ATL2: variants seen among roughly 807,000 people sequenced by gnomAD.
ATL2 encodes atlastin GTPase 2.
ATL2 carries 31 observed loss-of-function variants against 73.9 expected under a neutral mutation model. The ratio of observed to expected loss-of-function variants is 0.42; its 90% confidence interval spans 0.32 to 0.57. ATL2 has a LOEUF of 0.57. Among genes scored for constraint, ATL2 ranks in the 20% least tolerant of loss-of-function variants. The pLI is 0.14. For missense variants in ATL2, 738 were observed against 702.6 expected, an observed-to-expected ratio of 1.05 and a Z score of -0.57; for synonymous variants, 291 against 237.5, an observed-to-expected ratio of 1.23 and a Z score of -2.07.
intron 12 of ATL2, chr2:38,296,565 G>T: frequency 6.2e-7 from 1 of 1,614,050 alleles, no homozygotes; most frequent in Admixed American, 1.7e-5. Flanking sequence ...TCGACGTCTA[G>T]TAACTTCAAA....
At chr2:38,372,444 G>T (rs1026355271) in intron 1 of ATL2, among the ~76,000 whole-genome samples, 5 of 152,058 alleles carry the variant, frequency 3.3e-5, no homozygotes, top group East Asian at 1.9e-4. Flanking sequence ...CATGTTCCAG[G>T]GACTGGAACA....
chr2:38,314,758 C>A (rs1000917462), intron 5 of ATL2, 94 bp from the exon 6 acceptor site: 3 of 746,382 alleles, frequency 4.0e-6, no homozygotes, highest in East Asian at 2.7e-5. Flanking sequence ...GGTACCAGAA[C>A]CTTTAAAATC....
intron 2 of ATL2, among the ~76,000 whole-genome samples, chr2:38,327,873 T>C (rs963546506): frequency 1.3e-5 from 2 of 152,024 alleles, no homozygotes; most frequent in African/African-American, 4.8e-5. Flanking sequence ...GAGGCGGAGG[T>C]TGCAGTGAGC....
intron 2 of ATL2, among the ~76,000 whole-genome samples, chr2:38,324,792 G>A (rs1034323864): frequency 6.6e-6 from 1 of 152,176 alleles, no homozygotes; most frequent in Admixed American, 6.5e-5. Context: ...ACACACAAAA[G>A]GACAAATATT....
intron 10 of ATL2, among the ~76,000 whole-genome samples, 174 bp downstream of exon 10, chr2:38,300,098 C>T (rs1199060497): frequency 6.7e-6 from 1 of 148,886 alleles, no homozygotes; most frequent in Non-Finnish European, 1.5e-5. Context: ...TCTGCAGTTA[C>T]AAAAAAAAAA....
At chr2:38,309,291 T>C in intron 9 of ATL2, 88 bp downstream of exon 9, 1 of 1,298,308 alleles carries the variant, frequency 7.7e-7, no homozygotes, top group Non-Finnish European at 1.0e-6. Flanking sequence ...TGTTTTAAAA[T>C]AAAGACAAGA....
At chr2:38,318,356 G>A in intron 4 of ATL2, 179 bp downstream of exon 4, 1 of 411,386 alleles carries the variant, frequency 2.4e-6, no homozygotes, top group Non-Finnish European at 4.3e-6. Context: ...GCGGGGGCCT[G>A]TAATCTCAGC....
At chr2:38,335,251 A>G (rs1669285967) in intron 2 of ATL2, among the ~76,000 whole-genome samples, 1 of 152,070 alleles carries the variant, frequency 6.6e-6, no homozygotes, top group African/African-American at 2.4e-5. Flanking sequence ...CTGGGTATAA[A>G]CCCAACAGAA....
intron 9 of ATL2, among the ~76,000 whole-genome samples, chr2:38,306,232 C>T (rs1477368335): frequency 1.3e-5 from 2 of 152,218 alleles, no homozygotes; most frequent in African/African-American, 4.8e-5. Flanking sequence ...TAACAAGTAA[C>T]GAGATCAAAG....
At chr2:38,377,027 A>T in intron 1 of ATL2, 116 bp downstream of exon 1, 1 of 819,258 alleles carries the variant, frequency 1.2e-6, no homozygotes, top group Non-Finnish European at 1.8e-6. Context: ...CGGCGGGAGG[A>T]GACCTGAACC....
At chr2:38,313,101 T>G in intron 7 of ATL2, 50 bp downstream of exon 7, 1 of 1,375,030 alleles carries the variant, frequency 7.3e-7, no homozygotes, top group Non-Finnish European at 1.0e-6. Flanking sequence ...AGCCCACCCG[T>G]TTGCCTAGCT....
At position 38,298,125 on chromosome 2, in the gene ATL2, C is replaced by A. The variant is rs767742544; in HGVS notation, c.1632+19G>T. The A allele has an allele frequency of 1.9e-5, 30 of 1,576,848 alleles. No individual in the cohort carries two copies. The highest frequency in any genetic ancestry group is 2.3e-5 in the Non-Finnish European group (27 of 1,161,562). On this transcript the variant is annotated intron_variant, in intron 12 of 12. Coordinates refer to ENST00000378954, the MANE Select transcript of ATL2 (RefSeq NM_001135673.4). ...GAAAATAAGATTAGTCACTAAAAAACCAAAAGATAGATACCAACCTGTTCC... is the reference window on the plus strand; with the variant it reads ...GAAAATAAGATTAGTCACTAAAAAAACAAAAGATAGATACCAACCTGTTCC...
At chr2:38,307,975 G>A (rs979361602) in intron 9 of ATL2, among the ~76,000 whole-genome samples, 2 of 151,932 alleles carry the variant, frequency 1.3e-5, no homozygotes, top group African/African-American at 4.8e-5. Flanking sequence ...CAAGGATGTA[G>A]AGAAAAGGGA....
At chr2:38,358,856 A>ATG (rs1346510646) in intron 1 of ATL2, among the ~76,000 whole-genome samples, 1 of 152,206 alleles carries the variant, frequency 6.6e-6, no homozygotes, top group African/African-American at 2.4e-5. Flanking sequence ...GCAGCCTGGG[A>ATG]TACAAGTATT....
At chr2:38,331,645 C>T (rs11903069) in intron 2 of ATL2, among the ~76,000 whole-genome samples, 61,453 of 146,530 alleles carry the variant, frequency 0.42, 15,083 homozygotes, top group African/African-American at 0.69. Context: ...AACATGTATA[C>T]AGATCAATGG....
chr2:38,318,103 C>G (rs1668120929), intron 4 of ATL2, among the ~76,000 whole-genome samples: 1 of 152,120 alleles, frequency 6.6e-6, no homozygotes, highest in Admixed American at 6.5e-5. Context: ...TGTGCATGAT[C>G]ACACCCATGA....
intron 12 of ATL2, chr2:38,296,533 A>C (rs1268781494): frequency 6.2e-7 from 1 of 1,614,088 alleles, no homozygotes. Flanking sequence ...CGCTGTGCTG[A>C]TGAAAGAGCA....
intron 2 of ATL2, among the ~76,000 whole-genome samples, chr2:38,322,770 T>G (rs149865052): frequency 6.6e-6 from 1 of 152,124 alleles, no homozygotes; most frequent in Non-Finnish European, 1.5e-5. Flanking sequence ...TCCCAGCACT[T>G]TGGGAGGCCA....
At chr2:38,312,635 G>T (rs1667818801) in intron 7 of ATL2, among the ~76,000 whole-genome samples, 1 of 151,728 alleles carries the variant, frequency 6.6e-6, no homozygotes, top group East Asian at 1.9e-4. Flanking sequence ...CTTGAACCCG[G>T]GAAGCGGAGG....
Sources: gnomAD v4.1 joint callset for allele counts (sites outside exome capture counted in the v4.1 genomes callset) on GRCh38, gnomAD v4.1.1 for gene constraint, MANE v1.5 for transcripts, NCBI Gene and HGNC (gene_info 2026-07-23, HGNC 2026-07-21) for gene names.